Variants in RBFOX1 observed in about 807,000 individuals in gnomAD.
The protein encoded by RBFOX1 is RNA binding fox-1 homolog 1.
RBFOX1 carries 8 observed loss-of-function variants against 57.7 expected under a neutral mutation model. The observed-to-expected ratio is 0.14, with a 90% CI of 0.08 to 0.25. RBFOX1 has a LOEUF of 0.25. RBFOX1 is among the 10% of genes least tolerant of loss of function. The pLI is 1.00. For synonymous variants in RBFOX1, 326 were observed against 222.4 expected (o/e 1.47, Z -4.15); for missense variants, 611 against 548.5 (o/e 1.11, Z -1.14).
At chr16:5,783,948 A>C (rs1231465293) in intron 3 of RBFOX1, among the ~76,000 whole-genome samples, 1 of 152,228 alleles carries the variant, frequency 6.6e-6, no homozygotes, top group Non-Finnish European at 1.5e-5. Flanking sequence ...TTTTGGTATT[A>C]GGAGGTAAGT....
At chr16:6,525,527 C>T (rs1250418007) in intron 2 of RBFOX1, among the ~76,000 whole-genome samples, 2 of 152,194 alleles carry the variant, frequency 1.3e-5, no homozygotes, top group South Asian at 2.1e-4. Flanking sequence ...TATAACAAAA[C>T]ATCACAGACT....
intron 1 of RBFOX1, among the ~76,000 whole-genome samples, chr16:5,397,964 A>T (rs2066607153): frequency 6.6e-6 from 1 of 152,158 alleles, no homozygotes; most frequent in African/African-American, 2.4e-5. Flanking sequence ...CCTTGCCCCC[A>T]TGGAGCTCAT....
At chr16:7,418,114 C>G (rs1309190013) in intron 4 of RBFOX1, among the ~76,000 whole-genome samples, 2 of 152,162 alleles carry the variant, frequency 1.3e-5, no homozygotes, top group Non-Finnish European at 2.9e-5. Flanking sequence ...CCTCACCTCT[C>G]CCCCACGGCC....
intron 3 of RBFOX1, among the ~76,000 whole-genome samples, chr16:6,897,624 T>G (rs926785502): frequency 6.6e-6 from 1 of 151,974 alleles, no homozygotes; most frequent in Non-Finnish European, 1.5e-5. Context: ...AAACCCCATC[T>G]CTATTAAAAC....
At chr16:6,816,422 ATTTT>A (rs34666559) in intron 3 of RBFOX1, among the ~76,000 whole-genome samples, 1 of 140,744 alleles carries the variant, frequency 7.1e-6, no homozygotes. Flanking sequence ...CCTTCATGTA[ATTTT>A]TTTTTTTTTT....
intron 3 of RBFOX1, among the ~76,000 whole-genome samples, chr16:5,745,591 C>G (rs1351536730): frequency 6.6e-6 from 1 of 152,220 alleles, no homozygotes; most frequent in Non-Finnish European, 1.5e-5. Flanking sequence ...TCTCCACATC[C>G]TGTCCAGCAC....
chr16:7,155,301 T>G (rs2076862354), intron 4 of RBFOX1, among the ~76,000 whole-genome samples: 1 of 151,894 alleles, frequency 6.6e-6, no homozygotes, highest in Non-Finnish European at 1.5e-5. Flanking sequence ...GAATCGAGAG[T>G]TGGAGGATTG....
chr16:5,778,498 A>G (rs1037563264), intron 3 of RBFOX1, among the ~76,000 whole-genome samples: 3 of 152,136 alleles, frequency 2.0e-5, no homozygotes, highest in Admixed American at 1.3e-4. Flanking sequence ...ACCAGGGGAC[A>G]TCTCACCATT....
Position 6,889,403 on chromosome 16 carries a change from C to T in RBFOX1, c.-15-162654C>T, listed in dbSNP as rs550085287. On this transcript the variant is annotated intron_variant, in intron 3 of 15. Coordinates refer to ENST00000550418, the MANE Select transcript of RBFOX1 (RefSeq NM_018723.4). ...AAGGCCAGTGATATCTTACATATGA[C>T]GGCTCTGTCAACTTGGATTTCCAGA... Among the ~76,000 whole-genome samples the T allele has an allele frequency of 9.9e-5, 15 of 152,206 alleles. No homozygotes were observed. The South Asian group carries it at 2.3e-3, about 23-fold the overall frequency.
At chr16:6,162,882 C>G (rs935759414) in intron 1 of RBFOX1, among the ~76,000 whole-genome samples, 20 of 152,064 alleles carry the variant, frequency 1.3e-4, no homozygotes, top group African/African-American at 4.8e-4. Flanking sequence ...TACAGGCGTG[C>G]ACCACCATGC....
intron 1 of RBFOX1, among the ~76,000 whole-genome samples, chr16:6,091,529 C>CAA (rs111966281): frequency 2.9e-4 from 44 of 151,934 alleles, no homozygotes; most frequent in South Asian, 1.5e-3. Flanking sequence ...GGTAGGTATT[C>CAA]AAAAAAAACA....
At chr16:6,727,629 A>G (rs1443726856) in intron 3 of RBFOX1, among the ~76,000 whole-genome samples, 2 of 152,028 alleles carry the variant, frequency 1.3e-5, no homozygotes, top group African/African-American at 4.8e-5. Flanking sequence ...TGAATTTGGG[A>G]TAGGGTCTTC....
intron 3 of RBFOX1, chr16:5,838,229 G>A (rs555100728): frequency 6.3e-5 from 13 of 204,928 alleles, no homozygotes; most frequent in African/African-American, 1.7e-4. Flanking sequence ...ATGTAGCTGC[G>A]TGGTGTCTGA....
At chr16:7,668,274 T>G (rs9939952) in intron 13 of RBFOX1, among the ~76,000 whole-genome samples, 2 of 152,000 alleles carry the variant, frequency 1.3e-5, no homozygotes, top group African/African-American at 4.8e-5. Flanking sequence ...TTGAAAGACC[T>G]GCGTGATCCC....
chr16:7,352,227 C>T (rs2097141555), intron 4 of RBFOX1, among the ~76,000 whole-genome samples: 1 of 152,122 alleles, frequency 6.6e-6, no homozygotes, highest in South Asian at 2.1e-4. Context: ...TTCAGCCTTT[C>T]CCAAGAGGTG....
chr16:6,003,729 C>A (rs879874646), intron 4 of RBFOX1, among the ~76,000 whole-genome samples: 1 of 152,202 alleles, frequency 6.6e-6, no homozygotes, highest in Non-Finnish European at 1.5e-5. Context: ...CTCTTGGGTT[C>A]AGCATCTTTG....
intron 12 of RBFOX1, among the ~76,000 whole-genome samples, chr16:7,659,999 T>C (rs1461497978): frequency 1.3e-5 from 2 of 152,100 alleles, no homozygotes; most frequent in African/African-American, 2.4e-5. Context: ...AAAATAGCGG[T>C]ATTTGAACAC....
chr16:6,549,538 G>C (rs186023244), intron 2 of RBFOX1, among the ~76,000 whole-genome samples: 1 of 124,544 alleles, frequency 8.0e-6, no homozygotes, highest in Non-Finnish European at 1.7e-5. Context: ...AGGAGGAGGA[G>C]GGGAGGAGGA....
chr16:7,656,142 A>G (rs1221409465), intron 12 of RBFOX1, among the ~76,000 whole-genome samples: 1 of 152,204 alleles, frequency 6.6e-6, no homozygotes, highest in African/African-American at 2.4e-5. Context: ...AAGCAAGATC[A>G]AATTCTCAGC....
Sources: allele counts gnomAD v4.1 joint callset (sites outside exome capture counted in the v4.1 genomes callset), GRCh38; gene constraint gnomAD v4.1.1; transcripts MANE v1.5; gene names NCBI Gene and HGNC (gene_info 2026-07-23, HGNC 2026-07-21).